TRIOBP: variants seen among roughly 807,000 people sequenced by gnomAD.
TRIOBP encodes the protein TRIO and F-actin-binding protein.
TRIOBP carries 169 observed loss-of-function variants against 238.8 expected under a neutral mutation model. The ratio of observed to expected loss-of-function variants is 0.71; its 90% CI spans 0.62 to 0.80. The LOEUF (loss-of-function observed/expected upper bound fraction) is 0.80, where lower values mean the gene tolerates loss of function less well. TRIOBP is among the 30% of genes least tolerant of loss of function. The probability of loss-of-function intolerance (pLI) is 0.00; values close to 1 mark genes in which losing one functional copy is unlikely to be tolerated. For missense variants in TRIOBP, 2,838 were observed against 3,122.6 expected, an observed-to-expected ratio of 0.91 and a Z score of 2.17; for synonymous variants, 1,150 against 1,274.4, an observed-to-expected ratio of 0.90 and a Z score of 2.08.
At chr22:37,751,731 C>T (rs1360745799) in intron 11 of TRIOBP, 41 bp from the exon 12 acceptor site, 3 of 1,612,584 alleles carry the variant, frequency 1.9e-6, no homozygotes, top group Non-Finnish European at 1.7e-6. Flanking sequence ...CCATTGGCTT[C>T]CTGCTGGACC....
intron 6 of TRIOBP, among the ~76,000 whole-genome samples, chr22:37,717,593 A>G (rs568208134): frequency 5.6e-4 from 85 of 152,360 alleles, no homozygotes; most frequent in African/African-American, 2.0e-3. Context: ...AGTCCCCAAC[A>G]GAGTAGCTAG....
chr22:37,703,796 C>T (rs548704850), intron 3 of TRIOBP, among the ~76,000 whole-genome samples: 5 of 152,172 alleles, frequency 3.3e-5, no homozygotes, highest in South Asian at 4.1e-4. Flanking sequence ...TGAGCCACCG[C>T]GCCCAGCTTC....
At position 37,755,536 on chromosome 22, in the gene TRIOBP, C is replaced by T. The variant is rs779131529; in HGVS notation, c.5578-14C>T. ...CTGGCCATGTGGCAACCTACCCATG[C>T]GGTGGCCTTGCAGACCAAGGATGCT... On this transcript the variant is annotated splice_polypyrimidine_tract_variant and intron_variant, in intron 14 of 23. Transcript: ENST00000644935. 3.1e-6 allele frequency: 5 copies of T among 1,611,070 alleles called. No homozygotes were observed. The highest frequency in any genetic ancestry group is 1.7e-5 in the Admixed American group (1 of 60,008).
intron 3 of TRIOBP, among the ~76,000 whole-genome samples, chr22:37,702,902 G>A (rs1922733794): frequency 6.6e-6 from 1 of 151,972 alleles, no homozygotes; most frequent in African/African-American, 2.4e-5. Flanking sequence ...CTCAACCTCT[G>A]TAACTGCAGG....
intron 7 of TRIOBP, among the ~76,000 whole-genome samples, chr22:37,731,657 A>G (rs894491380): frequency 6.6e-6 from 1 of 150,918 alleles, no homozygotes; most frequent in Non-Finnish European, 1.5e-5. Flanking sequence ...GGGTTTCACT[A>G]TGTTGACCAG....
chr22:37,710,814 T>G (rs1046976984), intron 4 of TRIOBP, among the ~76,000 whole-genome samples: 1 of 152,112 alleles, frequency 6.6e-6, no homozygotes, highest in African/African-American at 2.4e-5. Context: ...CCTGGCTGTC[T>G]CTCCCAGGGG....
intron 7 of TRIOBP, 186 bp downstream of exon 7, chr22:37,726,689 G>T: frequency 1.6e-6 from 1 of 635,170 alleles, no homozygotes; most frequent in Non-Finnish European, 2.5e-6. Flanking sequence ...TGTTTTGTGT[G>T]TGTGTGTGGT....
rs9619707 is a variant in TRIOBP, at chr22:37,740,580, A to C, written c.5185-315A>C. On this transcript the variant is annotated intron_variant, in intron 10 of 23. Transcript: ENST00000644935. The stretch of plus-strand genomic sequence containing the variant: ...ATGTGAAATCTCTAACCTAATGTGA[A>C]ATACTCTGAAAACACTATGTGGGCA... 0.18 allele frequency among the ~76,000 whole-genome samples: 28,110 copies of C among 152,078 alleles called. 2,774 individuals carry two copies. Among genetic ancestry groups the C allele is most frequent in the Admixed American group, 0.25 (3,831 of 15,294 alleles).
chr22:37,741,113 A>G (rs1601643890), intron 11 of TRIOBP, 81 bp downstream of exon 11: 1 of 1,519,736 alleles, frequency 6.6e-7, no homozygotes, highest in Middle Eastern at 1.9e-4. Flanking sequence ...TGTTAAGCAA[A>G]GGAGAGAGAG....
chr22:37,733,538 A>G, intron 8 of TRIOBP, 126 bp downstream of exon 8: 3 of 737,140 alleles, frequency 4.1e-6, no homozygotes, highest in Non-Finnish European at 7.1e-6. Context: ...GAGTCCAATC[A>G]TGGGGATCCA....
chr22:37,722,031 GAC>G (rs1432604148), intron 6 of TRIOBP, among the ~76,000 whole-genome samples: 1 of 152,152 alleles, frequency 6.6e-6, no homozygotes, highest in Non-Finnish European at 1.5e-5. Context: ...CAAATCACCA[GAC>G]AGTTTTGTTA....
Position 37,715,785 on chromosome 22 carries a change from A to G in TRIOBP, c.479A>G (p.Gln160Arg). The G allele has an allele frequency of 1.2e-6, 2 of 1,613,958 alleles. No homozygotes were observed. The highest frequency in any genetic ancestry group is 1.7e-6 in the Non-Finnish European group (2 of 1,179,982). ...CAGGACTGGGACACTGTTGAGAGGC[A>G]GGAGGAGGAGGCCCCCAGCTGGGAC... ...SSVDWDTVER[Q>R]EEEAPSWDEL... The change falls in exon 6 of 24, where the codon CAG (glutamine) becomes CGG (arginine). Residue 160 changes from glutamine (Q) to arginine (R), a missense_variant. Physicochemically the swap from Gln to Arg is conservative, Grantham distance 43. Around this residue, in one of 5 missense-constraint regions of TRIOBP, gnomAD observed 535 missense variants for 537.3 expected, o/e 1.00. Coordinates refer to ENST00000644935, the MANE Select transcript of TRIOBP (RefSeq NM_001039141.3).
At chr22:37,739,973 ATT>A (rs900734433) in intron 10 of TRIOBP, among the ~76,000 whole-genome samples, 7 of 152,192 alleles carry the variant, frequency 4.6e-5, no homozygotes, top group African/African-American at 1.7e-4. Context: ...TCATTCATGC[ATT>A]CTTTCACACA....
At chr22:37,704,069 G>A (rs770165032) in intron 3 of TRIOBP, among the ~76,000 whole-genome samples, 5 of 152,126 alleles carry the variant, frequency 3.3e-5, no homozygotes, top group Admixed American at 1.3e-4. Context: ...CAGGCATTAT[G>A]CTAGATGATG....
chr22:37,767,415 C>T (rs1213263892), intron 18 of TRIOBP, among the ~76,000 whole-genome samples: 1 of 152,134 alleles, frequency 6.6e-6, no homozygotes, highest in African/African-American at 2.4e-5. Context: ...AAAAAAGCCT[C>T]GGTCTCAGTC....
chr22:37,737,480 T>C (rs1276333353), intron 9 of TRIOBP, among the ~76,000 whole-genome samples: 1 of 151,786 alleles, frequency 6.6e-6, no homozygotes, highest in Non-Finnish European at 1.5e-5. Context: ...GCTAACACGG[T>C]GGAACCCCGT....
At chr22:37,772,475 G>A (rs1054746613) in intron 22 of TRIOBP, 126 bp from the exon 23 acceptor site, 3 of 1,361,502 alleles carry the variant, frequency 2.2e-6, no homozygotes, top group African/African-American at 2.9e-5. Flanking sequence ...CCATCTTGGG[G>A]AGCCACCTGG....
chr22:37,725,462 A>G lies in TRIOBP; in HGVS notation c.2906A>G (p.Gln969Arg). The change falls in exon 7 of 24, where the codon CAG (glutamine) becomes CGG (arginine). Residue 969 changes from glutamine (Q) to arginine (R), a missense_variant. By Grantham distance (43) the Gln-to-Arg change is conservative. Around this residue, in one of 5 missense-constraint regions of TRIOBP, gnomAD observed 2,096 missense variants for 2,137.4 expected, o/e 0.98. Transcript: ENST00000644935. The part of the protein sequence containing the change: ...DPPQSSFGPT[Q>R]YNLPSRATSS... ...CCCCAGTCCTCCTTTGGCCCCACCC[A>G]GTACAACTTGCCATCCCGGGCCACC... is the stretch of plus-strand genomic sequence containing the variant. 6.2e-7 allele frequency: 1 copy of G among 1,612,866 alleles called. No homozygotes were observed. Among genetic ancestry groups the G allele is most frequent in the Non-Finnish European group, 8.5e-7 (1 of 1,179,572 alleles).
intron 8 of TRIOBP, 65 bp downstream of exon 8, chr22:37,733,477 C>A: frequency 7.8e-7 from 1 of 1,285,752 alleles, no homozygotes; most frequent in Non-Finnish European, 1.1e-6. Context: ...TTCCCTCCCG[C>A]TAGAAGCCAG....
Sources: gnomAD v4.1 joint callset for allele counts (sites outside exome capture counted in the v4.1 genomes callset) on GRCh38, gnomAD v4.1.1 for gene constraint, gnomAD v4.1.1 regional missense constraint, MANE v1.5 for transcripts, NCBI Gene and HGNC (gene_info 2026-07-23, HGNC 2026-07-21) for gene names.